Variants in PHF7 observed in about 807,000 individuals in gnomAD.
The protein encoded by PHF7 is E3 ubiquitin-protein ligase PHF7.
PHF7 carries 24 observed loss-of-function variants against 47.5 expected under a neutral mutation model. The ratio of observed to expected loss-of-function variants is 0.51; its 90% CI spans 0.37 to 0.71. The LOEUF is 0.71. Among genes scored for constraint, PHF7 ranks in the 30% least tolerant of loss-of-function variants. The probability of loss-of-function intolerance (pLI) is 0.00; values close to 1 mark genes in which losing one functional copy is unlikely to be tolerated. For missense variants in PHF7, 361 were observed against 456.8 expected (o/e 0.79, Z 1.91); for synonymous variants, 156 against 153.8 (o/e 1.01, Z -0.11).
At chr3:52,422,193 C>A (rs1705812549) in intron 8 of PHF7, 29 bp from the exon 9 acceptor site, 1 of 1,447,552 alleles carries the variant, frequency 6.9e-7, no homozygotes, top group Non-Finnish European at 9.7e-7. Flanking sequence ...CCATTATGTT[C>A]TTATTCACTG....
At chr3:52,420,254 A>G in intron 5 of PHF7, 57 bp from the exon 6 acceptor site, 1 of 1,574,360 alleles carries the variant, frequency 6.4e-7, no homozygotes. Context: ...GATGTGCTAC[A>G]CTGTGTGTGT....
chr3:52,411,965 C>A (rs1056307641), intron 1 of PHF7, among the ~76,000 whole-genome samples: 1 of 152,192 alleles, frequency 6.6e-6, no homozygotes, highest in African/African-American at 2.4e-5. Flanking sequence ...CCTGTAATCC[C>A]AGCACTTTGG....
intron 10 of PHF7, 24 bp downstream of exon 10, chr3:52,422,905 C>A (rs1263211468): frequency 6.2e-7 from 1 of 1,613,814 alleles, no homozygotes; most frequent in Admixed American, 1.7e-5. Flanking sequence ...GATGGGCCGG[C>A]CTCAGAGCAA....
chr3:52,419,153 A>G (rs539705368), intron 4 of PHF7, among the ~76,000 whole-genome samples: 2 of 152,268 alleles, frequency 1.3e-5, no homozygotes, highest in African/African-American at 4.8e-5. Context: ...TGTTTCCCCC[A>G]AAGTCCCAGC....
Position 52,412,819 on chromosome 3 carries a change from G to A in PHF7, c.-61G>A. ...CCCATTTATATTTATAGCTGGAAGAGCCTGTATTGTCCTCACAATAGTATA... is the reference window on the plus strand; with the variant it reads ...CCCATTTATATTTATAGCTGGAAGAACCTGTATTGTCCTCACAATAGTATA... On this transcript the variant is annotated 5_prime_UTR_variant, in exon 2 of 11. Transcript: ENST00000327906. 1.6e-6 allele frequency: 2 copies of A among 1,280,996 alleles called. No individual in the cohort carries two copies. Among genetic ancestry groups the A allele is most frequent in the South Asian group, 1.2e-5 (1 of 82,292 alleles). 79.4% of individuals were successfully genotyped at this position (1,280,996 alleles called of 1,614,324 possible).
At chr3:52,419,522 T>G (rs1705721861) in intron 4 of PHF7, among the ~76,000 whole-genome samples, 1 of 150,408 alleles carries the variant, frequency 6.6e-6, no homozygotes, top group African/African-American at 2.5e-5. Flanking sequence ...CTCCACCCTC[T>G]CGGGTTCACG....
chr3:52,420,544 G>A, intron 6 of PHF7, 109 bp downstream of exon 6: 1 of 1,050,030 alleles, frequency 9.5e-7, no homozygotes, highest in Non-Finnish European at 1.5e-6. Flanking sequence ...ATTCACCAGT[G>A]AATCTGTCCC....
At chr3:52,423,029 A>T (rs942994735) in intron 10 of PHF7, 62 bp from the exon 11 acceptor site, 2 of 1,482,718 alleles carry the variant, frequency 1.3e-6, no homozygotes, top group African/African-American at 2.8e-5. Context: ...AGAGGAGCTT[A>T]AGGACCTGTG....
At chr3:52,419,977 T>C in intron 5 of PHF7, 43 bp downstream of exon 5, 1 of 1,074,802 alleles carries the variant, frequency 9.3e-7, no homozygotes, top group Non-Finnish European at 1.4e-6. Context: ...AGGCCTCTTT[T>C]CATACCTCAC....
At chr3:52,412,191 G>A (rs1705467751) in intron 1 of PHF7, among the ~76,000 whole-genome samples, 1 of 147,032 alleles carries the variant, frequency 6.8e-6, no homozygotes, top group African/African-American at 2.6e-5. Context: ...AACAATGAGA[G>A]ACCCTGTCTG....
At position 52,420,316 on chromosome 3, in the gene PHF7, C is replaced by T. The variant is rs769528176; in HGVS notation, c.294C>T (p.Cys98=). The change falls in exon 6 of 11, where the codon TGC becomes TGT. Residue 98 remains cysteine, a synonymous_variant. Coordinates refer to ENST00000327906, the MANE Select transcript of PHF7 (RefSeq NM_016483.7). The part of the protein sequence containing the change: ...KEAARASRKI[C]FVCKKKGAAI... ...GTCTGGGAACTCATTTGCAGATCTG[C>T]TTTGTGTGCAAGAAAAAGGGAGCTG... 6.2e-6 allele frequency: 10 copies of T among 1,613,978 alleles called. No individual in the cohort carries two copies. In the Middle Eastern group the frequency reaches 4.9e-4, roughly 80 times the overall value.
At chr3:52,414,078 A>C in intron 3 of PHF7, 30 bp downstream of exon 3, 1 of 1,555,676 alleles carries the variant, frequency 6.4e-7, no homozygotes, top group South Asian at 1.1e-5. Context: ...GTGTTCGCCC[A>C]CTGCCTCCAG....
At chr3:52,413,069 T>C in intron 2 of PHF7, 149 bp downstream of exon 2, 1 of 659,752 alleles carries the variant, frequency 1.5e-6, no homozygotes, top group Non-Finnish European at 2.7e-6. Context: ...CATACCTGTC[T>C]TACCAGTGCT....
rs562036713 is a variant in PHF7 at position 52,420,762 on chromosome 3, TC to T, written c.414-140del. ...CAGCCGTGAGAAGGCATGTGGCAGTTCTTCACTCTGCCTCTCCTCTTCCCCA... is the reference window on the plus strand; with the variant it reads ...CAGCCGTGAGAAGGCATGTGGCAGTTTTCACTCTGCCTCTCCTCTTCCCCA... On this transcript the variant is annotated intron_variant, in intron 6 of 10. Transcript: ENST00000327906. The T allele has an allele frequency of 9.7e-4, 715 of 737,814 alleles. 4 individuals carry two copies. In the African/African-American group the frequency reaches 0.011, roughly 12 times the overall value. 45.7% of individuals were successfully genotyped at this position (737,814 alleles called of 1,614,324 possible). A position where few individuals can be genotyped will look rare whatever the true frequency, so the allele number is the denominator to read the frequency against.
At chr3:52,418,725 G>C (rs866690461) in intron 4 of PHF7, among the ~76,000 whole-genome samples, 16 of 152,072 alleles carry the variant, frequency 1.1e-4, no homozygotes, top group African/African-American at 3.9e-4. Context: ...CTATAACCCT[G>C]GGAGGCAGTG....
chr3:52,421,152 C>CCAGCATGGAGCACCAA, intron 7 of PHF7, 90 bp downstream of exon 7: 1 of 1,202,916 alleles, frequency 8.3e-7, no homozygotes, highest in Non-Finnish European at 1.2e-6. Flanking sequence ...AGGTGTGCCT[C>CCAGCATGGAGCACCAA]AGCTTTGGTG....
chr3:52,419,408 T>C (rs1705715319), intron 4 of PHF7, among the ~76,000 whole-genome samples: 1 of 151,844 alleles, frequency 6.6e-6, no homozygotes, highest in Non-Finnish European at 1.5e-5. Flanking sequence ...TCAATGCATA[T>C]ATATTCCACC....
chr3:52,413,954 A>C, intron 2 of PHF7, 42 bp from the exon 3 acceptor site: 1 of 1,367,480 alleles, frequency 7.3e-7, no homozygotes, highest in East Asian at 2.3e-5. Flanking sequence ...TATCAACAAG[A>C]TCCCCAAAGA....
intron 8 of PHF7, 153 bp downstream of exon 8, chr3:52,421,907 CAG>C: frequency 1.7e-6 from 1 of 581,070 alleles, no homozygotes; most frequent in Non-Finnish European, 3.0e-6. Flanking sequence ...ATTATCAAAA[CAG>C]AAGGGAGGGG....
Sources: gnomAD v4.1 joint callset for allele counts (sites outside exome capture counted in the v4.1 genomes callset) on GRCh38, gnomAD v4.1.1 for gene constraint, MANE v1.5 for transcripts, NCBI Gene and HGNC (gene_info 2026-07-23, HGNC 2026-07-21) for gene names.